The following AGPAT4 variants were observed in gnomAD, a reference collection of about 807,000 sequenced individuals.
AGPAT4 encodes the protein 1-acyl-sn-glycerol-3-phosphate acyltransferase delta.
AGPAT4 carries 15 observed loss-of-function variants against 48.0 expected under a neutral mutation model. The observed-to-expected ratio is 0.31, with a 90% CI of 0.21 to 0.48. AGPAT4 has a LOEUF of 0.48. Ranked by LOEUF, AGPAT4 falls within the 20% of genes least tolerant of loss-of-function variation. AGPAT4 has a pLI of 0.99. For synonymous variants in AGPAT4, 178 were observed against 198.7 expected, an observed-to-expected ratio of 0.90 and a Z score of 0.88; for missense variants, 314 against 482.5, an observed-to-expected ratio of 0.65 and a Z score of 3.27.
rs1009993416 is a variant in AGPAT4 at position 161,264,085 on chromosome 6, C to T, written c.-90+9853G>A. Among the ~76,000 whole-genome samples the T allele has an allele frequency of 6.6e-5, 10 of 152,066 alleles. No homozygotes were observed. The highest frequency in any genetic ancestry group is 9.7e-5 in the African/African-American group (4 of 41,378). The stretch of plus-strand genomic sequence containing the variant: ...AGCAGACAGCTTCTAGTAAGTGCTG[C>T]GTAACACATGTTGATTACAAAGTAC... On this transcript the variant is annotated intron_variant, in intron 1 of 8. Coordinates refer to ENST00000320285, the MANE Select transcript of AGPAT4 (RefSeq NM_020133.3). This position sits in a 1 kb window ranked among gnomAD's most constrained non-coding sequence, Gnocchi z 6.8.
intron 1 of AGPAT4, among the ~76,000 whole-genome samples, chr6:161,271,510 C>T (rs1582926946): frequency 1.3e-5 from 2 of 152,290 alleles, no homozygotes; most frequent in Admixed American, 1.3e-4. Context: ...AGTAAAATCC[C>T]AATAAAATGA....
intron 2 of AGPAT4, among the ~76,000 whole-genome samples, chr6:161,183,729 G>C: frequency 8.9e-6 from 1 of 112,710 alleles, no homozygotes; most frequent in South Asian, 4.0e-4. Flanking sequence ...GATGGGAGAA[G>C]AGGGGAGGGG....
In AGPAT4 at chr6:161,197,585, T is replaced by G. The variant is rs947620632; in HGVS notation, c.179-31168A>C. On this transcript the variant is annotated intron_variant, in intron 2 of 8. Transcript: ENST00000320285. The surrounding 1 kb of genome is among the most constrained non-coding windows in gnomAD (Gnocchi z 5.7). ...TACGCATTACTCCTGGGGCTCATGTTTTCCTCTCCTGAACCACTCTGCCTC... is the reference window on the plus strand; with the variant it reads ...TACGCATTACTCCTGGGGCTCATGTGTTCCTCTCCTGAACCACTCTGCCTC... Among the ~76,000 whole-genome samples, 1 of 152,176 alleles carries G rather than the reference T, an allele frequency of 6.6e-6. No homozygotes were observed. The highest frequency in any genetic ancestry group is 2.4e-5 in the African/African-American group (1 of 41,450).
rs772963044 is a variant in AGPAT4, at chr6:161,166,229, G to T, written c.348+19C>A. The T allele has an allele frequency of 6.2e-7, 1 of 1,612,066 alleles. No homozygotes were observed. Among genetic ancestry groups the T allele is most frequent in the South Asian group, 1.1e-5 (1 of 90,556 alleles). The stretch of plus-strand genomic sequence containing the variant: ...CCAGAGAAATGTGTGAGGCAGGGGG[G>T]AATGCACTTCTGACTTACCCCTAAC... On this transcript the variant is annotated intron_variant, in intron 3 of 8. Transcript: ENST00000320285. The surrounding 1 kb of genome is among the most constrained non-coding windows in gnomAD (Gnocchi z 6.7).
At position 161,147,728 on chromosome 6, in the gene AGPAT4, T is replaced by C. The variant is rs1034214111; in HGVS notation, c.768-1129A>G. The stretch of plus-strand genomic sequence containing the variant: ...TCCTCTACTTCTTTGCTGTTTGATC[T>C]ACTCTGCTTTGGAAATGAGATCTCT... On this transcript the variant is annotated intron_variant, in intron 6 of 8. Transcript: ENST00000320285. This position sits in a 1 kb window ranked among gnomAD's most constrained non-coding sequence, Gnocchi z 4.8. Among the ~76,000 whole-genome samples, 1 of 152,252 alleles carries C rather than the reference T, an allele frequency of 6.6e-6. No individual in the cohort carries two copies. Among genetic ancestry groups the C allele is most frequent in the Non-Finnish European group, 1.5e-5 (1 of 68,044 alleles).
At chr6:161,193,016 T>A (rs1419880981) in intron 2 of AGPAT4, among the ~76,000 whole-genome samples, 1 of 152,194 alleles carries the variant, frequency 6.6e-6, no homozygotes, top group East Asian at 1.9e-4. Context: ...GGATTTTTCT[T>A]TTATTTTCCG....
At position 161,184,991 on chromosome 6, in the gene AGPAT4, C is replaced by T. The variant is rs1378559743; in HGVS notation, c.179-18574G>A. On this transcript the variant is annotated intron_variant, in intron 2 of 8. Coordinates refer to ENST00000320285, the MANE Select transcript of AGPAT4 (RefSeq NM_020133.3). This position sits in a 1 kb window ranked among gnomAD's most constrained non-coding sequence, Gnocchi z 4.8. ...CACACCCAGAGCACAGGAGGTTCTA[C>T]GAGGCAGTGCTGGGCTTTTCACAAA... Among the ~76,000 whole-genome samples the T allele has an allele frequency of 4.6e-5, 7 of 151,944 alleles. No individual in the cohort carries two copies. Among genetic ancestry groups the T allele is most frequent in the Admixed American group, 1.3e-4 (2 of 15,256 alleles).
rs1003073831 is a variant in AGPAT4, at chr6:161,251,278, G to A, written c.-89-18976C>T. 2.6e-5 allele frequency among the ~76,000 whole-genome samples: 4 copies of A among 152,180 alleles called. No individual in the cohort carries two copies. The highest frequency in any genetic ancestry group is 2.6e-4 in the Admixed American group (4 of 15,280). ...CAAATAGCTAACCAGTTGTATCCAA[G>A]GCATTTGTTGAAAGATCCTTCTCTA... On this transcript the variant is annotated intron_variant, in intron 1 of 8. Coordinates refer to ENST00000320285, the MANE Select transcript of AGPAT4 (RefSeq NM_020133.3). The surrounding 1 kb of genome is among the most constrained non-coding windows in gnomAD (Gnocchi z 4.6).
Position 161,251,593 on chromosome 6 carries a change from G to A in AGPAT4, c.-89-19291C>T, listed in dbSNP as rs3778231. 0.17 allele frequency among the ~76,000 whole-genome samples: 26,148 copies of A among 152,084 alleles called. 3,567 individuals carry two copies. Among genetic ancestry groups the A allele is most frequent in the African/African-American group, 0.37 (15,279 of 41,454 alleles). ...CCCTGCATTACAGACCAGCCTGTCC[G>A]GCCGCTGGTTAAAGACCCGCAGGGA... is the stretch of plus-strand genomic sequence containing the variant. On this transcript the variant is annotated intron_variant, in intron 1 of 8. Transcript: ENST00000320285. This position sits in a 1 kb window ranked among gnomAD's most constrained non-coding sequence, Gnocchi z 4.6.
chr6:161,211,837 C>A (rs1781530021), intron 2 of AGPAT4, among the ~76,000 whole-genome samples: 1 of 152,080 alleles, frequency 6.6e-6, no homozygotes, highest in Admixed American at 6.6e-5. Context: ...TAAACACTGA[C>A]AGCAATTAAA....
At chr6:161,163,056 GA>G (rs1481542500) in intron 3 of AGPAT4, among the ~76,000 whole-genome samples, 30 of 152,372 alleles carry the variant, frequency 2.0e-4, no homozygotes, top group Non-Finnish European at 3.5e-4. Flanking sequence ...GCTCCCAGGA[GA>G]ACCAGAGCCT....
In AGPAT4 at chr6:161,259,063, G is replaced by C. The variant is rs1157737609; in HGVS notation, c.-90+14875C>G. On this transcript the variant is annotated intron_variant, in intron 1 of 8. Transcript: ENST00000320285. The surrounding 1 kb of genome is among the most constrained non-coding windows in gnomAD (Gnocchi z 4.9). ...TCCTCCCGCCTCAGCCTCCCAAAGT[G>C]CTGGGATTACAGGTGTGAGCCACGG... Among the ~76,000 whole-genome samples the C allele has an allele frequency of 6.6e-6, 1 of 152,138 alleles. No individual in the cohort carries two copies. Among genetic ancestry groups the C allele is most frequent in the Non-Finnish European group, 1.5e-5 (1 of 68,016 alleles).
rs550679000 is a variant in AGPAT4 at position 161,146,295 on chromosome 6, C to T, written c.843+229G>A. ...AGGGGCGATTGGGGCCATTACTTCT[C>T]CCTTGGTCCACTACACCTAGAGAAT... On this transcript the variant is annotated intron_variant, in intron 7 of 8. Transcript: ENST00000320285. The surrounding 1 kb of genome is among the most constrained non-coding windows in gnomAD (Gnocchi z 7.1). Among the ~76,000 whole-genome samples, 4 of 151,096 alleles carry T rather than the reference C, an allele frequency of 2.6e-5. No homozygotes were observed. The South Asian group carries it at 8.3e-4, about 31-fold the overall frequency.
Position 161,267,590 on chromosome 6 carries a change from C to A in AGPAT4, c.-90+6348G>T, listed in dbSNP as rs1258342886. 6.6e-6 allele frequency among the ~76,000 whole-genome samples: 1 copy of A among 151,906 alleles called. No homozygotes were observed. Among genetic ancestry groups the A allele is most frequent in the African/African-American group, 2.4e-5 (1 of 41,328 alleles). The stretch of plus-strand genomic sequence containing the variant: ...CAAAAAAATTAGCCAGGTGTGGTGG[C>A]GCACCCCTATAGTCCCAGCTACTCA... On this transcript the variant is annotated intron_variant, in intron 1 of 8. Coordinates refer to ENST00000320285, the MANE Select transcript of AGPAT4 (RefSeq NM_020133.3). This position sits in a 1 kb window ranked among gnomAD's most constrained non-coding sequence, Gnocchi z 5.2.
chr6:161,175,295 G>A (rs1004371852), intron 2 of AGPAT4, among the ~76,000 whole-genome samples: 3 of 152,098 alleles, frequency 2.0e-5, no homozygotes, highest in African/African-American at 7.2e-5. Flanking sequence ...TTTTTGGTTG[G>A]TAGGCTATTA....
chr6:161,137,744 C>T lies in AGPAT4; in HGVS notation c.1043-1110G>A, dbSNP rs981595848. Among the ~76,000 whole-genome samples the T allele has an allele frequency of 1.3e-5, 2 of 151,054 alleles. No homozygotes were observed. The highest frequency in any genetic ancestry group is 2.4e-5 in the African/African-American group (1 of 41,030). Reference sequence around the variant, plus strand: ...GCTCCTCAGATGCTCCTGGAGACGCCGTGTCCACACTGCACCCCTCAGATG... The same window carrying T: ...GCTCCTCAGATGCTCCTGGAGACGCTGTGTCCACACTGCACCCCTCAGATG... On this transcript the variant is annotated intron_variant, in intron 8 of 8. Coordinates refer to ENST00000320285, the MANE Select transcript of AGPAT4 (RefSeq NM_020133.3). This position sits in a 1 kb window ranked among gnomAD's most constrained non-coding sequence, Gnocchi z 6.1.
chr6:161,194,490 G>C (rs1484505432), intron 2 of AGPAT4, among the ~76,000 whole-genome samples: 1 of 146,128 alleles, frequency 6.8e-6, no homozygotes, highest in Non-Finnish European at 1.5e-5. Context: ...ATGTATGTGT[G>C]TATGTGTGTG....
chr6:161,269,022 G>A (rs1028503616), intron 1 of AGPAT4, among the ~76,000 whole-genome samples: 2 of 152,166 alleles, frequency 1.3e-5, no homozygotes, highest in African/African-American at 2.4e-5. Context: ...AGTGTATTAT[G>A]GGAAATCAGC....
rs1333197789 is a variant in AGPAT4, at chr6:161,226,158, C to T, written c.178+5878G>A. The stretch of plus-strand genomic sequence containing the variant: ...CAGCAGAGGTAGCCAGTAGGTCCTG[C>T]CCAACTCCACATTTTGACAGGCTCA... On this transcript the variant is annotated intron_variant, in intron 2 of 8. Coordinates refer to ENST00000320285, the MANE Select transcript of AGPAT4 (RefSeq NM_020133.3). The surrounding 1 kb of genome is among the most constrained non-coding windows in gnomAD (Gnocchi z 6.3). 6.6e-6 allele frequency among the ~76,000 whole-genome samples: 1 copy of T among 152,152 alleles called. No individual in the cohort carries two copies. The highest frequency in any genetic ancestry group is 6.5e-5 in the Admixed American group (1 of 15,288).
Sources: gnomAD v4.1 joint callset for allele counts (sites outside exome capture counted in the v4.1 genomes callset) on GRCh38, gnomAD v4.1.1 for gene constraint, Gnocchi (gnomAD v3.1) non-coding constraint, MANE v1.5 for transcripts, NCBI Gene and HGNC (gene_info 2026-07-23, HGNC 2026-07-21) for gene names.